SLC22A24: variants seen among roughly 807,000 people sequenced by gnomAD.
The protein encoded by SLC22A24 is steroid transmembrane transporter SLC22A24.
In SLC22A24, 53 loss-of-function variants were observed where a neutral mutation model predicts 49.8. The observed-to-expected ratio is 1.06, with a 90% CI of 0.85 to 1.34. The LOEUF (loss-of-function observed/expected upper bound fraction) is 1.34. Among genes scored for constraint, SLC22A24 ranks in the 40% most tolerant of loss-of-function variants. The pLI is 0.00. For missense variants in SLC22A24, 786 were observed against 675.9 expected, an observed-to-expected ratio of 1.16 and a Z score of -1.81; for synonymous variants, 302 against 256.4, an observed-to-expected ratio of 1.18 and a Z score of -1.70.
chr11:63,085,352 T>G (rs2086981369), intron 6 of SLC22A24, among the ~76,000 whole-genome samples: 1 of 152,150 alleles, frequency 6.6e-6, no homozygotes, highest in Admixed American at 6.5e-5. Context: ...AGGCCTCCAT[T>G]ATCTTGGTCT....
At position 63,108,575 on chromosome 11, in the gene SLC22A24, T is replaced by C. The variant is rs117850018; in HGVS notation, c.831-4277A>G. Among the ~76,000 whole-genome samples the C allele has an allele frequency of 2.0e-4, 30 of 152,300 alleles. No homozygotes were observed. In the East Asian group the frequency reaches 5.8e-3, roughly 29 times the overall value. ...TTGTCTGCTTCTGGACATTTTTAGT[T>C]GGTAGGCTATTAATTATTGCCTCAA... On this transcript the variant is annotated intron_variant, in intron 4 of 9. Transcript: ENST00000612278.
chr11:63,104,558 A>C (rs2087109102), intron 4 of SLC22A24, among the ~76,000 whole-genome samples: 1 of 152,118 alleles, frequency 6.6e-6, no homozygotes, highest in African/African-American at 2.4e-5. Flanking sequence ...CATACCTGAG[A>C]CTGGGTAACT....
rs141289600 is a variant in SLC22A24 at position 63,082,365 on chromosome 11, A to C, written c.1286-699T>G. Among the ~76,000 whole-genome samples the C allele has an allele frequency of 2.6e-5, 4 of 152,344 alleles. No individual in the cohort carries two copies. In the East Asian group the frequency reaches 5.8e-4, roughly 22 times the overall value. On this transcript the variant is annotated intron_variant, in intron 7 of 9. Transcript: ENST00000612278. ...AAAAAGGTACTTTTTCATCAATAAA[A>C]ATATCAAAATAGGATTTTAAAACAG... is the stretch of plus-strand genomic sequence containing the variant.
At chr11:63,085,092 C>A (rs1249463263) in intron 6 of SLC22A24, among the ~76,000 whole-genome samples, 2 of 151,838 alleles carry the variant, frequency 1.3e-5, no homozygotes, top group East Asian at 3.9e-4. Context: ...CATGATTAGG[C>A]CCTGTGCTTT....
intron 6 of SLC22A24, 26 bp downstream of exon 6, chr11:63,095,965 G>T (rs750714307): frequency 6.8e-7 from 1 of 1,464,570 alleles, no homozygotes; most frequent in Non-Finnish European, 9.4e-7. Context: ...ATATTTTAAA[G>T]TGAATCATCA....
intron 6 of SLC22A24, among the ~76,000 whole-genome samples, chr11:63,092,955 G>C (rs566796006): frequency 2.6e-5 from 4 of 152,120 alleles, no homozygotes; most frequent in African/African-American, 9.6e-5. Flanking sequence ...CTGACAAAAG[G>C]CTAATATCCA....
chr11:63,128,747 T>G (rs1441239805), intron 2 of SLC22A24, among the ~76,000 whole-genome samples: 2 of 152,218 alleles, frequency 1.3e-5, no homozygotes, highest in Non-Finnish European at 2.9e-5. Flanking sequence ...TGACCTTACC[T>G]ATCATTGGAG....
chr11:63,087,036 A>G (rs905573305), intron 6 of SLC22A24, among the ~76,000 whole-genome samples: 2 of 110,014 alleles, frequency 1.8e-5, no homozygotes, highest in East Asian at 3.4e-4. Flanking sequence ...ACACACACAC[A>G]CACACACACA....
At chr11:63,119,403 A>G (rs1253936564) in intron 2 of SLC22A24, 68 bp from the exon 3 acceptor site, 3 of 1,360,240 alleles carry the variant, frequency 2.2e-6, no homozygotes, top group Non-Finnish European at 3.0e-6. Flanking sequence ...TTGACAAACA[A>G]TGGCGCATCT....
chr11:63,129,684 G>T (rs560493061), intron 2 of SLC22A24, among the ~76,000 whole-genome samples: 1 of 152,070 alleles, frequency 6.6e-6, no homozygotes, highest in Admixed American at 6.5e-5. Context: ...CCTTGAGGAG[G>T]TTCTTCACAT....
chr11:63,134,007 T>C (rs1174577998), intron 2 of SLC22A24, among the ~76,000 whole-genome samples: 1 of 152,210 alleles, frequency 6.6e-6, no homozygotes, highest in Non-Finnish European at 1.5e-5. Context: ...GATTAGTAGA[T>C]AAATACAATC....
At chr11:63,088,943 G>A (rs1004356066) in intron 6 of SLC22A24, among the ~76,000 whole-genome samples, 1 of 151,964 alleles carries the variant, frequency 6.6e-6, no homozygotes, top group African/African-American at 2.4e-5. Flanking sequence ...CACAACCTAC[G>A]ATAAATTGGT....
intron 2 of SLC22A24, among the ~76,000 whole-genome samples, chr11:63,131,830 A>T (rs1590749581): frequency 6.6e-6 from 1 of 152,136 alleles, no homozygotes; most frequent in African/African-American, 2.4e-5. Flanking sequence ...TGGCCTGCCT[A>T]TCTAGGTTAG....
At position 63,119,306 on chromosome 11, in the gene SLC22A24, C is replaced by T. The variant is rs906604172; in HGVS notation, c.536G>A (p.Cys179Tyr). The change falls in exon 3 of 10, where the codon TGT (cysteine) becomes TAT (tyrosine). Residue 179 changes from cysteine (C) to tyrosine (Y), a missense_variant. Physicochemically the swap from Cys to Tyr is radical, Grantham distance 194 (BLOSUM62 -2). Transcript: ENST00000612278. ...GTTAGAGATGGCCAGCTGGAGGAAA[C>T]ACAATTTGCATATGATCTTCCGTCC... ...RVGRKIICKLCFLQLAISNTC... is the reference protein window; with the variant it reads ...RVGRKIICKLYFLQLAISNTC... The T allele has an allele frequency of 8.4e-6, 13 of 1,549,118 alleles. No individual in the cohort carries two copies. The Admixed American group carries it at 1.6e-4, about 19-fold the overall frequency.
At chr11:63,095,853 A>G (rs1384373056) in intron 6 of SLC22A24, 138 bp downstream of exon 6, 2 of 645,478 alleles carry the variant, frequency 3.1e-6, no homozygotes, top group African/African-American at 1.8e-5. Flanking sequence ...TGTGGCACTT[A>G]GAGGCATACA....
At position 63,113,086 on chromosome 11, in the gene SLC22A24, A is replaced by ACG. The variant is rs2087181968; in HGVS notation, c.830+5825_830+5826insCG. 5.3e-4 allele frequency among the ~76,000 whole-genome samples: 2 copies of ACG among 3,748 alleles called. 1 individual carries two copies. The highest frequency in any genetic ancestry group is 5.8e-4 in the African/African-American group (2 of 3,462). 2.5% of individuals were successfully genotyped at this position (3,748 alleles called of 152,430 possible). A position where few individuals can be genotyped will look rare whatever the true frequency, so the allele number is the denominator to read the frequency against. On this transcript the variant is annotated intron_variant, in intron 4 of 9. Coordinates refer to ENST00000612278, the MANE Select transcript of SLC22A24 (RefSeq NM_001136506.2). Reference sequence around the variant, plus strand: ...TATATATACATATATATACACATATATATACATATATATATACATATATAT... The same window carrying ACG: ...TATATATACATATATATACACATATACGTATACATATATATATACATATATAT...
chr11:63,138,485 A>G (rs1382027116), intron 1 of SLC22A24, among the ~76,000 whole-genome samples: 1 of 151,776 alleles, frequency 6.6e-6, no homozygotes, highest in East Asian at 1.9e-4. Context: ...TACTAAAAAT[A>G]GAAAAAATTA....
chr11:63,116,083 G>T lies in SLC22A24; in HGVS notation c.830+2829C>A, dbSNP rs140508433. 1.4e-3 allele frequency: 521 copies of T among 372,610 alleles called. 2 individuals are homozygous for T. The highest frequency in any genetic ancestry group is 0.01 in the African/African-American group (486 of 47,762). The allele number at this position is 372,610 out of a possible 1,614,324, so 23.1% of individuals were successfully genotyped here. The stretch of plus-strand genomic sequence containing the variant: ...TCGAGCTTGTTGCTGACACTCTTTG[G>T]GATCTTGAGCTTAACTTCCTTGGGC... On this transcript the variant is annotated intron_variant, in intron 4 of 9. Coordinates refer to ENST00000612278, the MANE Select transcript of SLC22A24 (RefSeq NM_001136506.2).
intron 6 of SLC22A24, among the ~76,000 whole-genome samples, chr11:63,095,565 A>G (rs1015480619): frequency 2.0e-5 from 3 of 152,148 alleles, no homozygotes; most frequent in African/African-American, 7.2e-5. Flanking sequence ...CTAGGGTGAA[A>G]GAGACATGAG....
Sources: allele counts gnomAD v4.1 joint callset (sites outside exome capture counted in the v4.1 genomes callset), GRCh38; gene constraint gnomAD v4.1.1; transcripts MANE v1.5; gene names NCBI Gene and HGNC (gene_info 2026-07-23, HGNC 2026-07-21).